Variants in C1orf21 observed in about 807,000 individuals in gnomAD.
C1orf21 encodes chromosome 1 open reading frame 21, also known as uncharacterized protein C1orf21.
A neutral mutation model predicts 18.7 loss-of-function variants in C1orf21; 3 were observed. The ratio of observed to expected loss-of-function variants is 0.16; its 90% confidence interval spans 0.07 to 0.42. C1orf21 has a LOEUF of 0.42. Among genes scored for constraint, C1orf21 ranks in the 10% least tolerant of loss-of-function variants. C1orf21 has a pLI of 0.99. For missense variants in C1orf21, 104 were observed against 143.6 expected, an observed-to-expected ratio of 0.72 and a Z score of 1.41; for synonymous variants, 41 against 46.4, an observed-to-expected ratio of 0.88 and a Z score of 0.47.
Position 184,620,456 on chromosome 1 carries a change from A to C in C1orf21, c.*900A>C, listed in dbSNP as rs967640150. On this transcript the variant is annotated 3_prime_UTR_variant, in exon 6 of 6. Transcript: ENST00000235307. ...CCTACCCTTCCATTAAGAATCTACC[A>C]AGCATTAGCAAGGCTGAAAGTGGTC... The C allele has an allele frequency of 6.6e-6, 1 of 152,518 alleles. No individual in the cohort carries two copies. The highest frequency in any genetic ancestry group is 2.4e-5 in the African/African-American group (1 of 41,410). The allele number at this position is 152,518 out of a possible 1,614,324, so 9.4% of individuals were successfully genotyped here.
At chr1:184,591,492 A>T (rs1659435377) in intron 4 of C1orf21, among the ~76,000 whole-genome samples, 1 of 152,218 alleles carries the variant, frequency 6.6e-6, no homozygotes, top group South Asian at 2.1e-4. Context: ...TAAAGCTCTT[A>T]AAGGTAAAAC....
intron 5 of C1orf21, among the ~76,000 whole-genome samples, chr1:184,617,410 T>G (rs1487698223): frequency 6.6e-6 from 1 of 152,232 alleles, no homozygotes; most frequent in Non-Finnish European, 1.5e-5. Context: ...GAGAGCATCA[T>G]CTGATATTTA....
chr1:184,601,578 A>G (rs1244977728), intron 5 of C1orf21, among the ~76,000 whole-genome samples: 5 of 152,204 alleles, frequency 3.3e-5, no homozygotes, highest in Non-Finnish European at 5.9e-5. Context: ...TATGGTGATC[A>G]ATAAAAAGCA....
intron 1 of C1orf21, among the ~76,000 whole-genome samples, chr1:184,452,470 G>A (rs531418027): frequency 3.9e-5 from 6 of 152,300 alleles, no homozygotes; most frequent in South Asian, 4.1e-4. Flanking sequence ...CAGAATTAAA[G>A]ATTGCACCAG....
At chr1:184,521,607 G>C (rs1658307353) in intron 3 of C1orf21, among the ~76,000 whole-genome samples, 1 of 152,172 alleles carries the variant, frequency 6.6e-6, no homozygotes, top group Non-Finnish European at 1.5e-5. Context: ...AAAAAAGAAG[G>C]GTGTATAGGT....
chr1:184,491,469 C>T (rs1657815732), intron 2 of C1orf21, among the ~76,000 whole-genome samples: 1 of 152,000 alleles, frequency 6.6e-6, no homozygotes, highest in Non-Finnish European at 1.5e-5. Context: ...CCCACCTTAG[C>T]CTCCTAAATA....
intron 1 of C1orf21, among the ~76,000 whole-genome samples, chr1:184,456,811 C>G (rs1395766230): frequency 6.6e-6 from 1 of 152,256 alleles, no homozygotes. Flanking sequence ...CAGTTTCTTA[C>G]TTGCTCATCT....
At chr1:184,546,770 G>A (rs1232282499) in intron 3 of C1orf21, among the ~76,000 whole-genome samples, 1 of 152,170 alleles carries the variant, frequency 6.6e-6, no homozygotes, top group Non-Finnish European at 1.5e-5. Context: ...AAACCTGTAG[G>A]CACATGGTTT....
Position 184,440,532 on chromosome 1 carries a change from G to C in C1orf21, c.-124-36854G>C, listed in dbSNP as rs183262689. On this transcript the variant is annotated intron_variant, in intron 1 of 5. Transcript: ENST00000235307. ...CTCCCAAAGTGCTGGGATTACAGGCGTGAGCCACTGCACCTGGCCTTTTTT... is the reference window on the plus strand; with the variant it reads ...CTCCCAAAGTGCTGGGATTACAGGCCTGAGCCACTGCACCTGGCCTTTTTT... 4.8e-4 allele frequency among the ~76,000 whole-genome samples: 73 copies of C among 151,030 alleles called. No homozygotes were observed. The East Asian group carries it at 0.014, about 28-fold the overall frequency.
intron 3 of C1orf21, among the ~76,000 whole-genome samples, chr1:184,511,606 TA>T (rs1174534046): frequency 1.3e-5 from 2 of 152,272 alleles, no homozygotes; most frequent in Non-Finnish European, 1.5e-5. Context: ...GGCCTATAGG[TA>T]TACATTTAGA....
chr1:184,605,509 A>G (rs1659635844), intron 5 of C1orf21, among the ~76,000 whole-genome samples: 1 of 152,204 alleles, frequency 6.6e-6, no homozygotes, highest in African/African-American at 2.4e-5. Flanking sequence ...AAGGCAGGAA[A>G]TGTTACCTGG....
At chr1:184,516,716 G>T (rs1197339386) in intron 3 of C1orf21, among the ~76,000 whole-genome samples, 1 of 152,188 alleles carries the variant, frequency 6.6e-6, no homozygotes, top group Admixed American at 6.5e-5. Flanking sequence ...CAGTATGGGG[G>T]AAACTGCCCC....
intron 1 of C1orf21, among the ~76,000 whole-genome samples, chr1:184,473,293 TAAC>T (rs758775413): frequency 1.3e-5 from 2 of 152,198 alleles, no homozygotes; most frequent in Non-Finnish European, 2.9e-5. Flanking sequence ...ATGCTGGTAA[TAAC>T]AACATGTGAC....
intron 1 of C1orf21, among the ~76,000 whole-genome samples, chr1:184,464,146 T>G (rs1218346662): frequency 6.6e-6 from 1 of 152,214 alleles, no homozygotes; most frequent in Non-Finnish European, 1.5e-5. Context: ...TAAAACTTTC[T>G]TTTGGAGGCA....
chr1:184,569,006 T>C (rs960394563), intron 3 of C1orf21, among the ~76,000 whole-genome samples: 8 of 152,230 alleles, frequency 5.3e-5, no homozygotes, highest in Non-Finnish European at 1.2e-4. Flanking sequence ...GCTTGCATTT[T>C]ATTAAGTTGA....
At chr1:184,470,665 G>A (rs1657481014) in intron 1 of C1orf21, among the ~76,000 whole-genome samples, 1 of 152,190 alleles carries the variant, frequency 6.6e-6, no homozygotes, top group Admixed American at 6.5e-5. Context: ...GATCACTTGA[G>A]GTTAGGAGTT....
intron 2 of C1orf21, among the ~76,000 whole-genome samples, chr1:184,484,183 C>T (rs1356097804): frequency 1.3e-5 from 2 of 152,092 alleles, no homozygotes; most frequent in Non-Finnish European, 2.9e-5. Context: ...CCCGCCTTGG[C>T]CTCCCAAAGT....
At chr1:184,424,967 G>A (rs1656610662) in intron 1 of C1orf21, among the ~76,000 whole-genome samples, 1 of 152,184 alleles carries the variant, frequency 6.6e-6, no homozygotes, top group Admixed American at 6.5e-5. Context: ...AGAGTCAGAT[G>A]TTCTCCATCC....
chr1:184,487,100 T>C (rs1348876472), intron 2 of C1orf21, among the ~76,000 whole-genome samples: 1 of 152,154 alleles, frequency 6.6e-6, no homozygotes, highest in South Asian at 2.1e-4. Context: ...AAGGTTTCTT[T>C]ACCTATTGCA....
Sources: allele counts gnomAD v4.1 joint callset (sites outside exome capture counted in the v4.1 genomes callset), GRCh38; gene constraint gnomAD v4.1.1; transcripts MANE v1.5; gene names NCBI Gene and HGNC (gene_info 2026-07-23, HGNC 2026-07-21).